CSMD1: variants seen among roughly 807,000 people sequenced by gnomAD.
CSMD1 encodes CUB and Sushi multiple domains 1, also known as CUB and sushi domain-containing protein 1.
A neutral mutation model predicts 417.5 loss-of-function variants in CSMD1; 213 were observed. That is an observed-to-expected ratio of 0.51 (90% confidence interval 0.46 to 0.57). The LOEUF is 0.57. Among genes scored for constraint, CSMD1 ranks in the 20% least tolerant of loss-of-function variants. The pLI is 0.00. For synonymous variants in CSMD1, 2,862 were observed against 1,736.8 expected (o/e 1.65, Z -16.11); for missense variants, 6,923 against 4,529.7 (o/e 1.53, Z -15.17).
Position 4,263,211 on chromosome 8 carries a change from G to C in CSMD1, c.415+156742C>G, listed in dbSNP as rs144218634. Among the ~76,000 whole-genome samples, 1,086 of 151,696 alleles carry C rather than the reference G, an allele frequency of 7.2e-3. 27 individuals carry two copies. The highest frequency in any genetic ancestry group is 0.025 in the African/African-American group (1,055 of 41,480). ...GTGCCGTGTATTCTAGTATTCGAGG[G>C]CTAAAGGCTAGGCTGTTGGGTAATG... is the stretch of plus-strand genomic sequence containing the variant. On this transcript the variant is annotated intron_variant, in intron 3 of 69. Transcript: ENST00000635120.
intron 3 of CSMD1, among the ~76,000 whole-genome samples, chr8:4,198,829 T>C (rs768755854): frequency 6.6e-6 from 1 of 152,166 alleles, no homozygotes; most frequent in Admixed American, 6.5e-5. Context: ...AAAGTTAAAG[T>C]ACCATCTCAG....
At chr8:3,285,066 A>G (rs1803044834) in intron 25 of CSMD1, among the ~76,000 whole-genome samples, 1 of 152,194 alleles carries the variant, frequency 6.6e-6, no homozygotes, top group African/African-American at 2.4e-5. Context: ...CATTGAAGCA[A>G]GAAGGGTTTA....
At chr8:4,252,107 G>A (rs1306327665) in intron 3 of CSMD1, among the ~76,000 whole-genome samples, 1 of 152,280 alleles carries the variant, frequency 6.6e-6, no homozygotes. Context: ...CAGTACAGGT[G>A]GTAGAGAACT....
chr8:4,718,890 T>G (rs1213159216), intron 1 of CSMD1, among the ~76,000 whole-genome samples: 4 of 152,232 alleles, frequency 2.6e-5, no homozygotes, highest in South Asian at 4.1e-4. Context: ...ATACGTATCT[T>G]TGAACTCTAT....
chr8:3,312,096 C>G (rs1164268850), intron 23 of CSMD1, among the ~76,000 whole-genome samples: 1 of 152,082 alleles, frequency 6.6e-6, no homozygotes, highest in African/African-American at 2.4e-5. Context: ...TTCCACTCTT[C>G]TCCAAAAAAA....
At chr8:3,386,429 G>A (rs548489018) in intron 18 of CSMD1, among the ~76,000 whole-genome samples, 52 of 152,310 alleles carry the variant, frequency 3.4e-4, no homozygotes, top group African/African-American at 1.2e-3. Context: ...GGCTCCAGCA[G>A]CTCTGTGCTG....
chr8:4,162,206 G>A (rs185521161), intron 3 of CSMD1, among the ~76,000 whole-genome samples: 1 of 152,150 alleles, frequency 6.6e-6, no homozygotes, highest in Admixed American at 6.5e-5. Flanking sequence ...TTATATGCAT[G>A]TCTTTTAATT....
intron 49 of CSMD1, among the ~76,000 whole-genome samples, chr8:3,073,983 C>G (rs1813475156): frequency 6.6e-6 from 1 of 152,188 alleles, no homozygotes; most frequent in Non-Finnish European, 1.5e-5. Context: ...CACATTTATT[C>G]CAACACGATT....
chr8:4,946,377 C>A (rs929742587), intron 1 of CSMD1, among the ~76,000 whole-genome samples: 10 of 152,136 alleles, frequency 6.6e-5, no homozygotes, highest in Non-Finnish European at 1.2e-4. Flanking sequence ...AATGCCCCCA[C>A]CTAGTGATGA....
At chr8:3,198,356 G>A (rs1796812954) in intron 33 of CSMD1, among the ~76,000 whole-genome samples, 2 of 152,194 alleles carry the variant, frequency 1.3e-5, no homozygotes, top group Non-Finnish European at 2.9e-5. Context: ...TGGTCTAAAC[G>A]TGATTCTGCT....
intron 3 of CSMD1, among the ~76,000 whole-genome samples, chr8:4,152,138 A>G (rs1031333809): frequency 1.3e-5 from 2 of 152,178 alleles, no homozygotes; most frequent in South Asian, 2.1e-4. Flanking sequence ...AATATCAACG[A>G]TAATTGTTTG....
intron 49 of CSMD1, among the ~76,000 whole-genome samples, chr8:3,054,303 G>A (rs1812067780): frequency 1.3e-5 from 2 of 152,208 alleles, no homozygotes; most frequent in African/African-American, 4.8e-5. Flanking sequence ...TTAAATGGAT[G>A]ATCAGGTACT....
At chr8:3,618,309 T>C (rs1049076797) in intron 7 of CSMD1, among the ~76,000 whole-genome samples, 4 of 152,184 alleles carry the variant, frequency 2.6e-5, no homozygotes, top group Non-Finnish European at 5.9e-5. Flanking sequence ...CCAGTCAAAA[T>C]TTATCTTTTA....
intron 21 of CSMD1, among the ~76,000 whole-genome samples, chr8:3,356,536 G>C (rs1236370209): frequency 6.6e-6 from 1 of 152,134 alleles, no homozygotes; most frequent in African/African-American, 2.4e-5. Flanking sequence ...TTAGCCGGGC[G>C]TGGTGGCATG....
At chr8:4,037,264 T>C (rs1797671184) in intron 3 of CSMD1, among the ~76,000 whole-genome samples, 1 of 152,220 alleles carries the variant, frequency 6.6e-6, no homozygotes, top group African/African-American at 2.4e-5. Flanking sequence ...TTTGTTTATA[T>C]CAATTAACCT....
intron 3 of CSMD1, among the ~76,000 whole-genome samples, chr8:4,419,161 G>C (rs1252214461): frequency 1.3e-5 from 2 of 152,132 alleles, no homozygotes; most frequent in East Asian, 1.9e-4. Context: ...ATAGGAATTG[G>C]TTTACACCCC....
At position 4,580,195 on chromosome 8, in the gene CSMD1, C is replaced by G. The variant is rs542415921; in HGVS notation, c.302+57147G>C. Reference sequence around the variant, plus strand: ...GTTATGTAAACTTCATGGAATCTAGCCTGAGCTTGCCCCCTGCTGCCCTTC... The same window carrying G: ...GTTATGTAAACTTCATGGAATCTAGGCTGAGCTTGCCCCCTGCTGCCCTTC... On this transcript the variant is annotated intron_variant, in intron 2 of 69. Coordinates refer to ENST00000635120, the MANE Select transcript of CSMD1 (RefSeq NM_033225.6). Among the ~76,000 whole-genome samples, 17 of 152,308 alleles carry G rather than the reference C, an allele frequency of 1.1e-4. No homozygotes were observed. In the East Asian group the frequency reaches 2.7e-3, roughly 24 times the overall value.
chr8:4,116,041 C>G (rs1338196802), intron 3 of CSMD1, among the ~76,000 whole-genome samples: 1 of 151,314 alleles, frequency 6.6e-6, no homozygotes, highest in Non-Finnish European at 1.5e-5. Context: ...CACTCTGTCT[C>G]CCAGGCTAGA....
chr8:4,555,556 T>C (rs990203703), intron 2 of CSMD1, among the ~76,000 whole-genome samples: 4 of 152,136 alleles, frequency 2.6e-5, no homozygotes, highest in Non-Finnish European at 5.9e-5. Flanking sequence ...CCTGTTACAA[T>C]TGCCTCCAGG....
Sources: gnomAD v4.1 joint callset for allele counts (sites outside exome capture counted in the v4.1 genomes callset) on GRCh38, gnomAD v4.1.1 for gene constraint, MANE v1.5 for transcripts, NCBI Gene and HGNC (gene_info 2026-07-23, HGNC 2026-07-21) for gene names.